The following PRKN variants were observed in gnomAD, a reference collection of about 807,000 sequenced individuals.
PRKN encodes E3 ubiquitin-protein ligase parkin.
PRKN carries 56 observed loss-of-function variants against 59.5 expected under a neutral mutation model. The observed-to-expected ratio is 0.94, with a 90% CI of 0.76 to 1.18. PRKN has a LOEUF of 1.18. Ranked by LOEUF, PRKN falls within the 50% of genes most tolerant of loss-of-function variation. The pLI is 0.00. For missense variants in PRKN, 657 were observed against 596.4 expected (o/e 1.10, Z -1.06); for synonymous variants, 250 against 222.1 (o/e 1.13, Z -1.12).
chr6:162,395,657 T>C (rs1274054994), intron 2 of PRKN, among the ~76,000 whole-genome samples: 1 of 151,754 alleles, frequency 6.6e-6, no homozygotes, highest in Non-Finnish European at 1.5e-5. Context: ...TAGACACTGA[T>C]ACAAACGCCA....
chr6:162,490,809 A>T (rs1562326332), intron 1 of PRKN, among the ~76,000 whole-genome samples: 1 of 152,200 alleles, frequency 6.6e-6, no homozygotes, highest in Non-Finnish European at 1.5e-5. Flanking sequence ...TCCAGACCTC[A>T]GCACTGCCCT....
intron 7 of PRKN, among the ~76,000 whole-genome samples, chr6:161,714,515 C>G (rs962597771): frequency 6.6e-6 from 1 of 152,188 alleles, no homozygotes; most frequent in African/African-American, 2.4e-5. Flanking sequence ...TCTTGGACTT[C>G]CCGGCCTCCA....
rs1177332315 is a variant in PRKN at position 162,393,155 on chromosome 6, C to CTTTTTTTTTTTTTT, written c.171+50141_171+50154dup. Among the ~76,000 whole-genome samples, 78 of 80,172 alleles carry CTTTTTTTTTTTTTT rather than the reference C, an allele frequency of 9.7e-4. 16 individuals carry two copies. Among genetic ancestry groups the CTTTTTTTTTTTTTT allele is most frequent in the East Asian group, 3.0e-3 (5 of 1,682 alleles). 52.6% of individuals were successfully genotyped at this position (80,172 alleles called of 152,430 possible). ...TGATACTGGGTGAGGATAGGAGATT[C>CTTTTTTTTTTTTTT]TTTTTTTTTTTTTTTTTTTTTTGAG... is the stretch of plus-strand genomic sequence containing the variant. On this transcript the variant is annotated intron_variant, in intron 2 of 11. Coordinates refer to ENST00000366898, the MANE Select transcript of PRKN (RefSeq NM_004562.3).
intron 4 of PRKN, among the ~76,000 whole-genome samples, chr6:162,106,558 C>A (rs1780202709): frequency 6.6e-6 from 1 of 152,170 alleles, no homozygotes; most frequent in African/African-American, 2.4e-5. Context: ...TCATCTGTTT[C>A]TCTTAGATAC....
intron 6 of PRKN, among the ~76,000 whole-genome samples, chr6:161,944,110 T>C (rs141917024): frequency 8.2e-5 from 10 of 122,678 alleles, no homozygotes; most frequent in African/African-American, 3.3e-4. Context: ...GCCTGAGGAA[T>C]CAGCCTGAGG....
rs190415520 is a variant in PRKN, at chr6:161,489,410, A to C, written c.1083+59444T>G. On this transcript the variant is annotated intron_variant, in intron 9 of 11. Transcript: ENST00000366898. ...CCCTGTCTCTACTAAAAATACAAAA[A>C]TTAGCCAGGCATGGTAGCACACACC... Among the ~76,000 whole-genome samples, 235 of 152,164 alleles carry C rather than the reference A, an allele frequency of 1.5e-3. 1 individual carries two copies. Among genetic ancestry groups the C allele is most frequent in the Non-Finnish European group, 2.1e-3 (144 of 68,000 alleles).
intron 7 of PRKN, among the ~76,000 whole-genome samples, chr6:161,712,266 T>C (rs545550247): frequency 1.1e-4 from 16 of 152,304 alleles, no homozygotes; most frequent in African/African-American, 3.4e-4. Flanking sequence ...ACACTTAAAA[T>C]GGCTTAAAGT....
chr6:162,412,393 A>G (rs529109341), intron 2 of PRKN, among the ~76,000 whole-genome samples: 1 of 152,132 alleles, frequency 6.6e-6, no homozygotes, highest in African/African-American at 2.4e-5. Flanking sequence ...AGTGGGGACT[A>G]CGGGACTCAC....
chr6:162,139,890 C>CA (rs35011084), intron 4 of PRKN, among the ~76,000 whole-genome samples: 29,379 of 137,636 alleles, frequency 0.21, 3,202 homozygotes, highest in African/African-American at 0.31. Context: ...GACTCCATCT[C>CA]AAAAAAAAAA....
Position 162,262,771 on chromosome 6 carries a change from T to C in PRKN, c.172-6A>G. ...TGCTGATCCAGGTCACAATTCTGTTTGGGAGCAAGGTAAAAAAAAAAAAAA... is the reference window on the plus strand; with the variant it reads ...TGCTGATCCAGGTCACAATTCTGTTCGGGAGCAAGGTAAAAAAAAAAAAAA... On this transcript the variant is annotated splice_polypyrimidine_tract_variant and splice_region_variant and intron_variant, in intron 2 of 11. Transcript: ENST00000366898. 1.9e-6 allele frequency: 3 copies of C among 1,596,296 alleles called. No homozygotes were observed. The highest frequency in any genetic ancestry group is 1.7e-6 in the Non-Finnish European group (2 of 1,175,692).
At chr6:162,551,166 G>C (rs533476357) in intron 1 of PRKN, among the ~76,000 whole-genome samples, 1 of 152,194 alleles carries the variant, frequency 6.6e-6, no homozygotes, top group East Asian at 1.9e-4. Context: ...TAACAGGTCT[G>C]CCAGTGAAAC....
chr6:162,114,342 C>T (rs1260139106), intron 4 of PRKN, among the ~76,000 whole-genome samples: 1 of 151,524 alleles, frequency 6.6e-6, no homozygotes, highest in African/African-American at 2.4e-5. Context: ...TCTTCCTACC[C>T]ATGAGCATGG....
chr6:161,599,532 T>C (rs1184313832), intron 7 of PRKN, among the ~76,000 whole-genome samples: 1 of 152,212 alleles, frequency 6.6e-6, no homozygotes, highest in East Asian at 1.9e-4. Context: ...AGCAAAATGA[T>C]TGCCTCATTG....
At chr6:161,531,058 G>GT (rs1562507883) in intron 9 of PRKN, among the ~76,000 whole-genome samples, 1 of 152,048 alleles carries the variant, frequency 6.6e-6, no homozygotes, top group African/African-American at 2.4e-5. Context: ...TGCAAGTTCC[G>GT]TAAGTTCCAT....
At chr6:161,633,079 T>C (rs1356886391) in intron 7 of PRKN, among the ~76,000 whole-genome samples, 2 of 152,170 alleles carry the variant, frequency 1.3e-5, no homozygotes, top group Non-Finnish European at 2.9e-5. Context: ...CTGTATTCAT[T>C]TGGCACAATA....
At chr6:162,486,655 CT>C (rs1487961452) in intron 1 of PRKN, among the ~76,000 whole-genome samples, 1 of 152,180 alleles carries the variant, frequency 6.6e-6, no homozygotes, top group African/African-American at 2.4e-5. Context: ...ACTTGACATT[CT>C]ACCAACAAGA....
In PRKN at chr6:161,352,755, G is replaced by GTGTGTGTGTGTATA. The variant is rs766949960; in HGVS notation, c.1286-2545_1286-2544insTATACACACACACA. On this transcript the variant is annotated intron_variant, in intron 11 of 11. Coordinates refer to ENST00000366898, the MANE Select transcript of PRKN (RefSeq NM_004562.3). The surrounding 1 kb of genome is among the most constrained non-coding windows in gnomAD (Gnocchi z 5.8). ...TGTGTGTGTGTGTGTGTGTGTGTGT[G>GTGTGTGTGTGTATA]TATATATATATATATATTTTATTTT... 5.4e-4 allele frequency among the ~76,000 whole-genome samples: 72 copies of GTGTGTGTGTGTATA among 134,368 alleles called. No homozygotes were observed. The highest frequency in any genetic ancestry group is 2.4e-3 in the South Asian group (9 of 3,820). 88.2% of individuals were successfully genotyped at this position (134,368 alleles called of 152,430 possible). A position where few individuals can be genotyped will look rare whatever the true frequency, so the allele number is the denominator to read the frequency against.
intron 9 of PRKN, among the ~76,000 whole-genome samples, chr6:161,514,012 G>A (rs1053220116): frequency 1.3e-5 from 2 of 151,874 alleles, no homozygotes; most frequent in Admixed American, 6.6e-5. Context: ...TGTAACAGCT[G>A]TATTTTAGGA....
intron 1 of PRKN, among the ~76,000 whole-genome samples, chr6:162,525,931 G>A (rs1449642422): frequency 6.6e-6 from 1 of 152,112 alleles, no homozygotes; most frequent in African/African-American, 2.4e-5. Context: ...ACGGCCCACT[G>A]CAGCCCCGAC....
Sources: gnomAD v4.1 joint callset for allele counts (sites outside exome capture counted in the v4.1 genomes callset) on GRCh38, gnomAD v4.1.1 for gene constraint, Gnocchi (gnomAD v3.1) non-coding constraint, MANE v1.5 for transcripts, NCBI Gene and HGNC (gene_info 2026-07-23, HGNC 2026-07-21) for gene names.